The following ANKS1B variants were observed in gnomAD, a reference collection of about 807,000 sequenced individuals.
ANKS1B encodes ankyrin repeat and sterile alpha motif domain-containing protein 1B.
In ANKS1B, 36 loss-of-function variants were observed where a neutral mutation model predicts 148.3. That is an observed-to-expected ratio of 0.24 (90% confidence interval 0.19 to 0.32). ANKS1B has a LOEUF of 0.32. ANKS1B is among the 10% of genes least tolerant of loss of function. The pLI, the probability that ANKS1B is intolerant of heterozygous loss-of-function variation, is 1.00. For synonymous variants in ANKS1B, 542 were observed against 560.8 expected (o/e 0.97, Z 0.47); for missense variants, 1,157 against 1,542.6 (o/e 0.75, Z 4.19).
At chr12:99,595,231 A>C (rs1448551665) in intron 9 of ANKS1B, among the ~76,000 whole-genome samples, 1 of 151,916 alleles carries the variant, frequency 6.6e-6, no homozygotes, top group Non-Finnish European at 1.5e-5. Context: ...CACTGAAAAT[A>C]TTTTAAGAGG....
intron 14 of ANKS1B, among the ~76,000 whole-genome samples, chr12:99,177,909 A>G (rs777603751): frequency 1.3e-5 from 2 of 152,172 alleles, no homozygotes; most frequent in South Asian, 2.1e-4. Flanking sequence ...GTTAACTTCA[A>G]TTTTCAGTTC....
chr12:99,336,479 T>C (rs1184728324), intron 12 of ANKS1B, among the ~76,000 whole-genome samples: 3 of 152,148 alleles, frequency 2.0e-5, no homozygotes, highest in Non-Finnish European at 4.4e-5. Context: ...CAATATTTTC[T>C]TGTAGTAGTT....
intron 10 of ANKS1B, among the ~76,000 whole-genome samples, chr12:99,502,047 A>T (rs762730284): frequency 2.0e-5 from 3 of 152,122 alleles, no homozygotes; most frequent in Non-Finnish European, 4.4e-5. Flanking sequence ...TATCCTCAGC[A>T]TTCAAAATTG....
chr12:99,016,908 T>C (rs931383224), intron 17 of ANKS1B, among the ~76,000 whole-genome samples: 1 of 152,178 alleles, frequency 6.6e-6, no homozygotes, highest in African/African-American at 2.4e-5. Flanking sequence ...TTGCAGGTAC[T>C]TTCCCTGTCC....
intron 1 of ANKS1B, among the ~76,000 whole-genome samples, chr12:99,857,261 C>A (rs943938134): frequency 2.0e-5 from 3 of 151,988 alleles, no homozygotes; most frequent in Admixed American, 6.6e-5. Context: ...AGAATCAAAT[C>A]AAGAACTCAA....
chr12:99,386,209 C>T (rs2093852178), intron 12 of ANKS1B: 1 of 152,176 alleles, frequency 6.6e-6, no homozygotes, highest in South Asian at 2.1e-4. Context: ...CCTAATAACA[C>T]TCCATTAGTT....
intron 1 of ANKS1B, among the ~76,000 whole-genome samples, chr12:99,945,964 T>C (rs1255119337): frequency 6.6e-6 from 1 of 152,094 alleles, no homozygotes; most frequent in Non-Finnish European, 1.5e-5. Flanking sequence ...CTTGTTACCA[T>C]GGAGGTGTTA....
intron 3 of ANKS1B, among the ~76,000 whole-genome samples, chr12:99,809,964 T>C (rs942134717): frequency 6.6e-5 from 10 of 152,040 alleles, no homozygotes; most frequent in African/African-American, 2.4e-4. Flanking sequence ...TAACTCCATA[T>C]ATATAGTAGC....
chr12:99,639,307 G>A (rs2098277384), intron 9 of ANKS1B, among the ~76,000 whole-genome samples: 1 of 152,186 alleles, frequency 6.6e-6, no homozygotes, highest in South Asian at 2.1e-4. Flanking sequence ...TTGTATACAG[G>A]AAGTAACTAA....
intron 17 of ANKS1B, among the ~76,000 whole-genome samples, chr12:98,891,850 A>G (rs1302633389): frequency 6.6e-6 from 1 of 152,210 alleles, no homozygotes; most frequent in Non-Finnish European, 1.5e-5. Context: ...AAAAATGGGT[A>G]GTCAACTGGA....
At chr12:99,050,496 G>A (rs889391771) in intron 17 of ANKS1B, among the ~76,000 whole-genome samples, 2 of 151,932 alleles carry the variant, frequency 1.3e-5, no homozygotes, top group African/African-American at 4.8e-5. Context: ...CTTACTTTAA[G>A]GAAAATATAC....
chr12:99,251,702 A>G (rs1374081478), intron 12 of ANKS1B, among the ~76,000 whole-genome samples: 1 of 152,202 alleles, frequency 6.6e-6, no homozygotes, highest in Non-Finnish European at 1.5e-5. Flanking sequence ...TTAACAATAA[A>G]ATCCAAAATT....
chr12:99,476,843 G>C (rs368506509), intron 10 of ANKS1B, among the ~76,000 whole-genome samples: 2 of 152,084 alleles, frequency 1.3e-5, no homozygotes, highest in Non-Finnish European at 2.9e-5. Context: ...TGCAATTAAC[G>C]TGTCAATTGG....
intron 3 of ANKS1B, among the ~76,000 whole-genome samples, chr12:99,811,418 G>A (rs1035337345): frequency 6.6e-6 from 1 of 151,844 alleles, no homozygotes; most frequent in Non-Finnish European, 1.5e-5. Flanking sequence ...AATGGGAACA[G>A]TAGGGGGCAT....
chr12:99,207,460 C>T (rs1276382896), intron 14 of ANKS1B, among the ~76,000 whole-genome samples: 4 of 151,980 alleles, frequency 2.6e-5, no homozygotes, highest in Non-Finnish European at 5.9e-5. Flanking sequence ...AATGTATACA[C>T]TTTGATATCT....
chr12:99,649,425 C>A (rs371118694), intron 9 of ANKS1B: 1 of 1,563,908 alleles, frequency 6.4e-7, no homozygotes, highest in East Asian at 2.2e-5. Flanking sequence ...ACATATACTA[C>A]GTTCAAGAGT....
At chr12:99,576,490 C>T (rs1284716045) in intron 9 of ANKS1B, among the ~76,000 whole-genome samples, 1 of 152,022 alleles carries the variant, frequency 6.6e-6, no homozygotes, top group Non-Finnish European at 1.5e-5. Context: ...GGCTGTAAAG[C>T]AATTCTCAGC....
intron 12 of ANKS1B, among the ~76,000 whole-genome samples, chr12:99,280,156 C>CTGTG (rs113352121): frequency 0.12 from 17,806 of 150,170 alleles, 2,658 homozygotes; most frequent in African/African-American, 0.36. Flanking sequence ...CCAATAGAGT[C>CTGTG]TGTGTGTGTG....
intron 12 of ANKS1B, among the ~76,000 whole-genome samples, chr12:99,285,274 A>G (rs1352021501): frequency 6.6e-6 from 1 of 152,200 alleles, no homozygotes; most frequent in Non-Finnish European, 1.5e-5. Flanking sequence ...ATATTTATCC[A>G]TGTTGTTTAT....
Sources: allele counts gnomAD v4.1 joint callset (sites outside exome capture counted in the v4.1 genomes callset), GRCh38; gene constraint gnomAD v4.1.1; transcripts MANE v1.5; gene names NCBI Gene and HGNC (gene_info 2026-07-23, HGNC 2026-07-21).